ADAM18: variants seen among roughly 807,000 people sequenced by gnomAD.
ADAM18 encodes disintegrin and metalloproteinase domain-containing protein 18.
Under a neutral mutation model 94.4 loss-of-function variants are expected in ADAM18, and 117 were observed. That is an observed-to-expected ratio of 1.24 (90% CI 1.07 to 1.45). ADAM18 has a LOEUF of 1.45. Among genes scored for constraint, ADAM18 ranks in the 40% most tolerant of loss-of-function variants. The pLI is 0.00. For synonymous variants in ADAM18, 327 were observed against 291.6 expected, an observed-to-expected ratio of 1.12 and a Z score of -1.24; for missense variants, 936 against 880.0, an observed-to-expected ratio of 1.06 and a Z score of -0.81.
intron 6 of ADAM18, among the ~76,000 whole-genome samples, chr8:39,613,610 T>C (rs1176100285): frequency 1.3e-5 from 2 of 152,182 alleles, no homozygotes; most frequent in Non-Finnish European, 2.9e-5. Flanking sequence ...TCTCTGTCAA[T>C]GGTTCTTAAC....
In ADAM18 at chr8:39,621,309, TCACACACACACACACACACA is replaced by T. The variant is rs55818122; in HGVS notation, c.523-8035_523-8016del. On this transcript the variant is annotated intron_variant, in intron 6 of 19. Transcript: ENST00000265707. Reference sequence around the variant, plus strand: ...TGACATGAACACATGCATGACAAAATCACACACACACACACACACACACACACACACACACACACACACAC... The same window carrying T: ...TGACATGAACACATGCATGACAAAATCACACACACACACACACACACACAC... Among the ~76,000 whole-genome samples, 119 of 128,910 alleles carry T rather than the reference TCACACACACACACACACACA, an allele frequency of 9.2e-4. 1 individual carries two copies. Among genetic ancestry groups the T allele is most frequent in the Non-Finnish European group, 3.0e-4 (18 of 60,414 alleles). The allele number at this position is 128,910 out of a possible 152,430, so 84.6% of individuals were successfully genotyped here.
intron 16 of ADAM18, among the ~76,000 whole-genome samples, chr8:39,684,963 A>T (rs2129580675): frequency 6.6e-6 from 1 of 152,202 alleles, no homozygotes; most frequent in East Asian, 1.9e-4. Context: ...GCCCCCAGTC[A>T]CGTACCCCTC....
intron 18 of ADAM18, among the ~76,000 whole-genome samples, chr8:39,716,180 TG>T (rs1483234727): frequency 1.1e-4 from 17 of 152,134 alleles, no homozygotes; most frequent in African/African-American, 4.1e-4. Flanking sequence ...TTTGTTTTTC[TG>T]TTTTCTATTT....
chr8:39,639,486 A>G (rs536038668), intron 10 of ADAM18, among the ~76,000 whole-genome samples: 1 of 151,946 alleles, frequency 6.6e-6, no homozygotes, highest in South Asian at 2.1e-4. Flanking sequence ...AAGTTTCCTG[A>G]CTCTTCAAAT....
At chr8:39,645,058 A>G (rs1173405179) in intron 10 of ADAM18, among the ~76,000 whole-genome samples, 2 of 152,172 alleles carry the variant, frequency 1.3e-5, no homozygotes, top group Admixed American at 1.3e-4. Flanking sequence ...AAAGTGAAAT[A>G]AACATGTTGT....
intron 7 of ADAM18, among the ~76,000 whole-genome samples, chr8:39,636,674 T>C (rs1459773588): frequency 6.6e-6 from 1 of 151,998 alleles, no homozygotes; most frequent in African/African-American, 2.4e-5. Flanking sequence ...ATTTTCAGTA[T>C]ATAAAACAAT....
At chr8:39,688,186 A>G (rs117455178) in intron 16 of ADAM18, among the ~76,000 whole-genome samples, 12,583 of 152,114 alleles carry the variant, frequency 0.083, 704 homozygotes, top group Non-Finnish European at 0.12. Flanking sequence ...TTTGATTTGC[A>G]TGTCTCTAAT....
chr8:39,707,929 A>G (rs77522453), intron 18 of ADAM18, among the ~76,000 whole-genome samples: 2,317 of 152,270 alleles, frequency 0.015, 29 homozygotes, highest in Non-Finnish European at 0.023. Context: ...TGGGATCATG[A>G]TGAAGTAAAA....
intron 16 of ADAM18, among the ~76,000 whole-genome samples, chr8:39,692,120 T>C (rs1173116491): frequency 6.6e-6 from 1 of 151,798 alleles, no homozygotes; most frequent in Non-Finnish European, 1.5e-5. Flanking sequence ...TTACAAGAAA[T>C]AAATATTGTT....
chr8:39,701,042 C>T (rs1483296371), intron 17 of ADAM18, among the ~76,000 whole-genome samples: 16 of 127,378 alleles, frequency 1.3e-4, no homozygotes, highest in South Asian at 2.6e-4. Flanking sequence ...GGCGTGAACC[C>T]GGGAGGCGGA....
At chr8:39,657,815 C>A (rs575310501) in intron 12 of ADAM18, among the ~76,000 whole-genome samples, 171 of 151,974 alleles carry the variant, frequency 1.1e-3, no homozygotes, top group African/African-American at 3.9e-3. Context: ...AAGAACAAAG[C>A]CTTTATAGTC....
chr8:39,593,944 A>G (rs556403606), intron 2 of ADAM18, among the ~76,000 whole-genome samples: 41 of 152,298 alleles, frequency 2.7e-4, no homozygotes, highest in African/African-American at 8.4e-4. Flanking sequence ...AGCTTTGTCA[A>G]TTTTTAAATC....
chr8:39,595,424 A>G (rs943629145), intron 2 of ADAM18, among the ~76,000 whole-genome samples: 1 of 152,180 alleles, frequency 6.6e-6, no homozygotes, highest in Non-Finnish European at 1.5e-5. Context: ...ATTTACAAGC[A>G]TGGGAGTCAA....
chr8:39,641,172 A>G (rs931848029), intron 10 of ADAM18, among the ~76,000 whole-genome samples: 1 of 152,004 alleles, frequency 6.6e-6, no homozygotes, highest in Non-Finnish European at 1.5e-5. Context: ...ATCCATCTTA[A>G]GTTTTGTATA....
At chr8:39,704,724 T>C (rs1358706256) in intron 17 of ADAM18, among the ~76,000 whole-genome samples, 1 of 152,140 alleles carries the variant, frequency 6.6e-6, no homozygotes, top group Non-Finnish European at 1.5e-5. Flanking sequence ...TGACCATTTT[T>C]GCGTTTGTAC....
chr8:39,645,103 G>T (rs1175415762), intron 10 of ADAM18, among the ~76,000 whole-genome samples: 3 of 152,098 alleles, frequency 2.0e-5, no homozygotes, highest in African/African-American at 7.2e-5. Context: ...CAAAGCTATA[G>T]AATTTTGGCG....
At chr8:39,671,296 T>C (rs1307872387) in intron 14 of ADAM18, among the ~76,000 whole-genome samples, 1 of 152,192 alleles carries the variant, frequency 6.6e-6, no homozygotes, top group Non-Finnish European at 1.5e-5. Context: ...AGAGAATACA[T>C]TAGCTGGTAC....
chr8:39,631,532 A>G (rs1025386750), intron 7 of ADAM18, among the ~76,000 whole-genome samples: 1 of 151,896 alleles, frequency 6.6e-6, no homozygotes, highest in African/African-American at 2.4e-5. Context: ...GTTCACTTCC[A>G]TTGCCCTATT....
At chr8:39,618,860 G>A (rs187286742) in intron 6 of ADAM18, among the ~76,000 whole-genome samples, 1 of 152,276 alleles carries the variant, frequency 6.6e-6, no homozygotes, top group Non-Finnish European at 1.5e-5. Flanking sequence ...TAGGCTCTCT[G>A]CAGGGGGAAG....
Sources: gnomAD v4.1 joint callset for allele counts (sites outside exome capture counted in the v4.1 genomes callset) on GRCh38, gnomAD v4.1.1 for gene constraint, MANE v1.5 for transcripts, NCBI Gene and HGNC (gene_info 2026-07-23, HGNC 2026-07-21) for gene names.